TRPC4: variants seen among roughly 807,000 people sequenced by gnomAD.
TRPC4 encodes short transient receptor potential channel 4.
Under a neutral mutation model 99.4 loss-of-function variants are expected in TRPC4, and 49 were observed. That is an observed-to-expected ratio of 0.49 (90% confidence interval 0.39 to 0.63). The LOEUF is 0.63. Among genes scored for constraint, TRPC4 ranks in the 20% least tolerant of loss-of-function variants. The probability of loss-of-function intolerance (pLI) is 0.00; values close to 1 mark genes in which losing one functional copy is unlikely to be tolerated. For synonymous variants in TRPC4, 454 were observed against 425.9 expected (o/e 1.07, Z -0.81); for missense variants, 898 against 1,152.9 (o/e 0.78, Z 3.20).
rs545145650 is a variant in TRPC4 at position 37,860,887 on chromosome 13, G to A, written c.-28+8708C>T. ...AAGGGTATGTGAAACGCTTTGAGCA[G>A]TCGCTGTCTTCGGTTTACTTATGTA... On this transcript the variant is annotated intron_variant, in intron 1 of 10. Coordinates refer to ENST00000379705, the MANE Select transcript of TRPC4 (RefSeq NM_016179.4). Among the ~76,000 whole-genome samples, 5 of 151,490 alleles carry A rather than the reference G, an allele frequency of 3.3e-5. No homozygotes were observed. The South Asian group carries it at 1.0e-3, about 31-fold the overall frequency.
At chr13:37,813,739 T>C (rs1957765894) in intron 1 of TRPC4, among the ~76,000 whole-genome samples, 1 of 151,834 alleles carries the variant, frequency 6.6e-6, no homozygotes, top group Non-Finnish European at 1.5e-5. Flanking sequence ...TTTTTTAAAA[T>C]AACTTCACCA....
At chr13:37,867,881 G>A (rs907930403) in intron 1 of TRPC4, among the ~76,000 whole-genome samples, 1 of 152,044 alleles carries the variant, frequency 6.6e-6, no homozygotes, top group Admixed American at 6.5e-5. Flanking sequence ...TAACTTTTCA[G>A]TCCTATAGAT....
rs1030878478 is a variant in TRPC4 at position 37,793,363 on chromosome 13, G to A, written c.-27-10003C>T. Reference sequence around the variant, plus strand: ...AGGTTTGTTACATATATATACATGTGCCATGTTGGTGTGCTGCACCTATTA... The same window carrying A: ...AGGTTTGTTACATATATATACATGTACCATGTTGGTGTGCTGCACCTATTA... On this transcript the variant is annotated intron_variant, in intron 1 of 10. Coordinates refer to ENST00000379705, the MANE Select transcript of TRPC4 (RefSeq NM_016179.4). Among the ~76,000 whole-genome samples, 57 of 151,870 alleles carry A rather than the reference G, an allele frequency of 3.8e-4. 1 individual carries two copies. The highest frequency in any genetic ancestry group is 1.3e-3 in the African/African-American group (55 of 41,344).
At chr13:37,798,658 A>G (rs1957316377) in intron 1 of TRPC4, among the ~76,000 whole-genome samples, 1 of 152,164 alleles carries the variant, frequency 6.6e-6, no homozygotes, top group South Asian at 2.1e-4. Flanking sequence ...TCAGACACTG[A>G]GATGTCTATA....
chr13:37,829,829 G>A (rs9576382), intron 1 of TRPC4, among the ~76,000 whole-genome samples: 43,597 of 151,978 alleles, frequency 0.29, 6,448 homozygotes, highest in East Asian at 0.43. Flanking sequence ...GCACTAGTTC[G>A]TACTACAACA....
intron 1 of TRPC4, among the ~76,000 whole-genome samples, chr13:37,848,140 G>A (rs1958954393): frequency 6.6e-6 from 1 of 151,982 alleles, no homozygotes; most frequent in Non-Finnish European, 1.5e-5. Flanking sequence ...AAGCTGAGGA[G>A]CATCTGTAAT....
At chr13:37,729,806 G>T (rs1479511093) in intron 3 of TRPC4, among the ~76,000 whole-genome samples, 1 of 152,038 alleles carries the variant, frequency 6.6e-6, no homozygotes, top group Non-Finnish European at 1.5e-5. Flanking sequence ...AACTGGAATG[G>T]TGGATGCCAG....
chr13:37,691,943 C>T (rs546652683), intron 4 of TRPC4, 56 bp downstream of exon 4: 621 of 1,506,614 alleles, frequency 4.1e-4, no homozygotes, highest in Non-Finnish European at 4.9e-4. Context: ...TTCTGAGCAA[C>T]GAAATTCCGT....
At chr13:37,686,352 CTGTA>C (rs2138844954) in intron 4 of TRPC4, among the ~76,000 whole-genome samples, 1 of 151,776 alleles carries the variant, frequency 6.6e-6, no homozygotes, top group East Asian at 1.9e-4. Context: ...ATATATGTGT[CTGTA>C]TGTACCTATA....
At chr13:37,700,575 C>A (rs145474036) in intron 3 of TRPC4, among the ~76,000 whole-genome samples, 1 of 152,112 alleles carries the variant, frequency 6.6e-6, no homozygotes, top group Non-Finnish European at 1.5e-5. Flanking sequence ...ATGATATAAG[C>A]GCACTTTGCT....
chr13:37,724,673 A>T (rs957383387), intron 3 of TRPC4, among the ~76,000 whole-genome samples: 1 of 152,178 alleles, frequency 6.6e-6, no homozygotes, highest in Non-Finnish European at 1.5e-5. Context: ...AGTTGGTAAC[A>T]TTATTGTGAG....
intron 1 of TRPC4, among the ~76,000 whole-genome samples, chr13:37,855,337 G>GAT (rs59525799): frequency 0.058 from 7,898 of 136,402 alleles, 517 homozygotes; most frequent in African/African-American, 0.15. Context: ...ATACAATGTA[G>GAT]ATATATATAT....
At chr13:37,823,436 A>C (rs1262324728) in intron 1 of TRPC4, among the ~76,000 whole-genome samples, 1 of 139,902 alleles carries the variant, frequency 7.1e-6, no homozygotes, top group Admixed American at 7.6e-5. Flanking sequence ...TCCATCTTGA[A>C]TTGATTTTTG....
chr13:37,726,312 T>C (rs531645498), intron 3 of TRPC4, among the ~76,000 whole-genome samples: 1 of 152,294 alleles, frequency 6.6e-6, no homozygotes, highest in East Asian at 1.9e-4. Flanking sequence ...ATTTCATATA[T>C]AATGTATAAA....
intron 1 of TRPC4, among the ~76,000 whole-genome samples, chr13:37,841,034 A>G (rs917156272): frequency 9.9e-5 from 15 of 152,094 alleles, no homozygotes; most frequent in Non-Finnish European, 5.9e-5. Context: ...ATTTTATATT[A>G]TTGGTTAAAA....
In TRPC4 at chr13:37,692,162, C is replaced by G; in HGVS notation, c.1071G>C (p.Leu357=). 1 of 1,614,074 alleles carries G rather than the reference C, an allele frequency of 6.2e-7. No individual in the cohort carries two copies. Among genetic ancestry groups the G allele is most frequent in the South Asian group, 1.1e-5 (1 of 91,088 alleles). Residue 357 remains leucine (L), a synonymous_variant, in exon 4 of 11, where the codon CTG becomes CTC. Transcript: ENST00000379705. ...YLIAPKSPLG[L]FIRKPFIKFI... ...ACTTGATAAATGGCTTCCTGATGAA[C>G]AGTCCAAGTGGGCTTTTGGGAGCTA... is the stretch of plus-strand genomic sequence containing the variant.
intron 4 of TRPC4, among the ~76,000 whole-genome samples, chr13:37,677,779 A>C (rs1000540700): frequency 6.6e-6 from 1 of 152,176 alleles, no homozygotes; most frequent in African/African-American, 2.4e-5. Context: ...AATGATATAG[A>C]AGACCTGAAC....
chr13:37,753,184 T>C (rs1202756830), intron 2 of TRPC4, among the ~76,000 whole-genome samples: 2 of 151,926 alleles, frequency 1.3e-5, no homozygotes, highest in Non-Finnish European at 2.9e-5. Context: ...TATAAGAAAA[T>C]GACAGCATCA....
chr13:37,770,491 T>C (rs1013391780), intron 2 of TRPC4, among the ~76,000 whole-genome samples: 4 of 151,592 alleles, frequency 2.6e-5, no homozygotes, highest in African/African-American at 9.7e-5. Flanking sequence ...CCAAAACAGG[T>C]GCTTCTGAAA....
Sources: allele counts gnomAD v4.1 joint callset (sites outside exome capture counted in the v4.1 genomes callset), GRCh38; gene constraint gnomAD v4.1.1; transcripts MANE v1.5; gene names NCBI Gene and HGNC (gene_info 2026-07-23, HGNC 2026-07-21).